DDAH1: variants seen among roughly 807,000 people sequenced by gnomAD.
DDAH1 encodes N(G),N(G)-dimethylarginine dimethylaminohydrolase 1.
Under a neutral mutation model 28.8 loss-of-function variants are expected in DDAH1, and 19 were observed. The observed-to-expected ratio is 0.66, with a 90% CI of 0.46 to 0.97. The LOEUF is 0.97. Ranked by LOEUF, DDAH1 falls within the 50% of genes least tolerant of loss-of-function variation. The pLI is 0.00. For synonymous variants in DDAH1, 153 were observed against 154.4 expected (o/e 0.99, Z 0.07); for missense variants, 326 against 375.9 (o/e 0.87, Z 1.10).
At chr1:85,483,128 CG>C (rs34153338) in intron 2 of DDAH1, among the ~76,000 whole-genome samples, 46,896 of 150,780 alleles carry the variant, frequency 0.31, 8,679 homozygotes, top group Non-Finnish European at 0.43. Flanking sequence ...GCAGGAAAAC[CG>C]CTTGAACCTG....
intron 1 of DDAH1, among the ~76,000 whole-genome samples, chr1:85,567,464 G>A (rs1162769323): frequency 6.6e-6 from 1 of 152,138 alleles, no homozygotes; most frequent in Non-Finnish European, 1.5e-5. Context: ...TTTTTGCTTG[G>A]TGCCATCCAT....
intron 1 of DDAH1, among the ~76,000 whole-genome samples, chr1:85,422,930 G>T (rs185436947): frequency 5.1e-4 from 77 of 152,252 alleles, no homozygotes; most frequent in African/African-American, 1.8e-3. Context: ...CAACCATGCT[G>T]CCACCCTAAT....
At chr1:85,572,562 G>C (rs1316830918) in intron 1 of DDAH1, among the ~76,000 whole-genome samples, 1 of 152,214 alleles carries the variant, frequency 6.6e-6, no homozygotes, top group Non-Finnish European at 1.5e-5. Context: ...TGTTTATAAA[G>C]ATCTGATGAG....
chr1:85,554,635 C>T (rs550893755), intron 1 of DDAH1, among the ~76,000 whole-genome samples: 2 of 152,256 alleles, frequency 1.3e-5, no homozygotes, highest in African/African-American at 2.4e-5. Context: ...AACAGAAGGG[C>T]CTTTCACACA....
chr1:85,399,871 C>T (rs1332529092), intron 1 of DDAH1: 5 of 152,058 alleles, frequency 3.3e-5, no homozygotes, highest in African/African-American at 1.2e-4. Context: ...TAAAACCAAC[C>T]CCTTCTGTTC....
chr1:85,567,048 T>C (rs571959427), intron 1 of DDAH1, among the ~76,000 whole-genome samples: 2 of 152,308 alleles, frequency 1.3e-5, no homozygotes, highest in South Asian at 4.1e-4. Context: ...AATTACCTCA[T>C]ACAGAAGAGT....
intron 1 of DDAH1, among the ~76,000 whole-genome samples, chr1:85,565,262 A>G (rs1046875475): frequency 3.3e-5 from 5 of 152,222 alleles, no homozygotes; most frequent in Non-Finnish European, 5.9e-5. Flanking sequence ...ATCAGAAACA[A>G]CATAAGCCAG....
intron 1 of DDAH1, among the ~76,000 whole-genome samples, chr1:85,448,620 C>T (rs892939856): frequency 2.0e-5 from 3 of 152,182 alleles, no homozygotes; most frequent in African/African-American, 7.2e-5. Context: ...TGGTTCAGGA[C>T]ACTCCAGTGA....
rs568874388 is a variant in DDAH1 at position 85,367,555 on chromosome 1, G to A, written c.304-8708C>T. On this transcript the variant is annotated intron_variant, in intron 1 of 5. Coordinates refer to ENST00000284031, the MANE Select transcript of DDAH1 (RefSeq NM_012137.4). ...TTCTAAGTGCCAAGCATTGTGCTAA[G>A]TGATTTTGCATGGATTATGTCATTT... Among the ~76,000 whole-genome samples, 4 of 152,306 alleles carry A rather than the reference G, an allele frequency of 2.6e-5. No individual in the cohort carries two copies. The South Asian group carries it at 8.3e-4, about 32-fold the overall frequency.
intron 1 of DDAH1, among the ~76,000 whole-genome samples, chr1:85,379,896 A>G (rs1487591537): frequency 6.6e-6 from 1 of 152,180 alleles, no homozygotes; most frequent in Non-Finnish European, 1.5e-5. Flanking sequence ...TCCTAACAAA[A>G]GGCCTCATTC....
At position 85,339,367 on chromosome 1, in the gene DDAH1, C is replaced by A. The variant is rs79559247; in HGVS notation, c.597+11048G>T. ...AAAGGGAATGGCTGTTGTAATCTAT[C>A]TCCAAAGCTACCTTTAACATTTGCA... On this transcript the variant is annotated intron_variant, in intron 4 of 5. Transcript: ENST00000284031. Among the ~76,000 whole-genome samples the A allele has an allele frequency of 7.9e-5, 12 of 152,264 alleles. No homozygotes were observed. The East Asian group carries it at 2.3e-3, about 29-fold the overall frequency.
At position 85,464,387 on chromosome 1, in the gene DDAH1, C is replaced by T; in HGVS notation, c.303+356G>A. ...TCCACCCGCCCTACCGGAGCGGCAC[C>T]CCTCGCGGCCCTCGCTCCCTGGGAA... On this transcript the variant is annotated intron_variant, in intron 1 of 5. Coordinates refer to ENST00000284031, the MANE Select transcript of DDAH1 (RefSeq NM_012137.4). This position sits in a 1 kb window ranked among gnomAD's most constrained non-coding sequence, Gnocchi z 4.4. The T allele has an allele frequency of 1.9e-6, 2 of 1,036,574 alleles. No individual in the cohort carries two copies. The highest frequency in any genetic ancestry group is 1.4e-5 in the South Asian group (1 of 71,476). The allele number at this position is 1,036,574 out of a possible 1,614,324, so 64.2% of individuals were successfully genotyped here. A position where few individuals can be genotyped will look rare whatever the true frequency, so the allele number is the denominator to read the frequency against.
At chr1:85,427,090 C>T (rs538367537) in intron 1 of DDAH1, among the ~76,000 whole-genome samples, 24 of 152,150 alleles carry the variant, frequency 1.6e-4, no homozygotes, top group African/African-American at 5.3e-4. Context: ...TCCACAGGAT[C>T]ATAGTTAGTG....
At chr1:85,473,821 T>C (rs1472040528) in intron 2 of DDAH1, among the ~76,000 whole-genome samples, 1 of 152,190 alleles carries the variant, frequency 6.6e-6, no homozygotes, top group Non-Finnish European at 1.5e-5. Flanking sequence ...CCTCCATCTC[T>C]TTTCTTCCAA....
At chr1:85,568,636 C>T (rs185953335) in intron 1 of DDAH1, among the ~76,000 whole-genome samples, 4 of 152,254 alleles carry the variant, frequency 2.6e-5, no homozygotes, top group Admixed American at 2.0e-4. Flanking sequence ...AGTGCAAAGA[C>T]ATTTAAAATA....
intron 1 of DDAH1, among the ~76,000 whole-genome samples, chr1:85,549,781 T>C (rs910372356): frequency 1.3e-5 from 2 of 152,256 alleles, no homozygotes; most frequent in African/African-American, 4.8e-5. Flanking sequence ...TAATCTCTTA[T>C]TTCTCATTCA....
At chr1:85,364,244 C>T (rs1414875519) in intron 1 of DDAH1, among the ~76,000 whole-genome samples, 1 of 152,098 alleles carries the variant, frequency 6.6e-6, no homozygotes, top group Non-Finnish European at 1.5e-5. Flanking sequence ...AATTGGAGCC[C>T]ATGCCTTCTG....
intron 1 of DDAH1, among the ~76,000 whole-genome samples, chr1:85,525,237 C>T (rs1657823787): frequency 6.6e-6 from 1 of 151,922 alleles, no homozygotes; most frequent in African/African-American, 2.4e-5. Context: ...GTGGATGCAG[C>T]TTAATTCTAA....
At chr1:85,429,743 A>T (rs1217770267) in intron 1 of DDAH1, among the ~76,000 whole-genome samples, 1 of 152,018 alleles carries the variant, frequency 6.6e-6, no homozygotes, top group Non-Finnish European at 1.5e-5. Context: ...TGTGGTTTTG[A>T]TTTGCATTTC....
Sources: gnomAD v4.1 joint callset for allele counts (sites outside exome capture counted in the v4.1 genomes callset) on GRCh38, gnomAD v4.1.1 for gene constraint, Gnocchi (gnomAD v3.1) non-coding constraint, MANE v1.5 for transcripts, NCBI Gene and HGNC (gene_info 2026-07-23, HGNC 2026-07-21) for gene names.